LUZP2: variants seen among roughly 807,000 people sequenced by gnomAD.
LUZP2 encodes leucine zipper protein 2.
A neutral mutation model predicts 51.6 loss-of-function variants in LUZP2; 52 were observed. The ratio of observed to expected loss-of-function variants is 1.01; its 90% CI spans 0.81 to 1.27. The LOEUF is 1.27. Among genes scored for constraint, LUZP2 ranks in the 50% most tolerant of loss-of-function variants. LUZP2 has a pLI of 0.00. For synonymous variants in LUZP2, 154 were observed against 137.3 expected, an observed-to-expected ratio of 1.12 and a Z score of -0.85; for missense variants, 436 against 395.4, an observed-to-expected ratio of 1.10 and a Z score of -0.87.
At chr11:24,708,618 A>G (rs1358992438) in intron 1 of LUZP2, among the ~76,000 whole-genome samples, 3 of 152,230 alleles carry the variant, frequency 2.0e-5, no homozygotes, top group Non-Finnish European at 4.4e-5. Context: ...GGCCTATAAG[A>G]ATCACCTGAA....
intron 10 of LUZP2, among the ~76,000 whole-genome samples, chr11:25,069,491 C>G (rs1251409614): frequency 6.6e-6 from 1 of 151,666 alleles, no homozygotes; most frequent in East Asian, 1.9e-4. Context: ...TTTTCAAACC[C>G]CAGCTACACG....
At chr11:24,616,341 G>A (rs1446849060) in intron 1 of LUZP2, among the ~76,000 whole-genome samples, 1 of 151,786 alleles carries the variant, frequency 6.6e-6, no homozygotes, top group Non-Finnish European at 1.5e-5. Context: ...AAACTGTATT[G>A]TTTTACATGT....
chr11:24,954,650 ACT>A (rs1178241277), intron 7 of LUZP2, among the ~76,000 whole-genome samples: 21 of 152,030 alleles, frequency 1.4e-4, no homozygotes, highest in Admixed American at 6.6e-5. Context: ...CTGCATGGAG[ACT>A]GCTTAACTGC....
chr11:24,745,973 C>T (rs1752813354), intron 4 of LUZP2, among the ~76,000 whole-genome samples: 1 of 152,048 alleles, frequency 6.6e-6, no homozygotes, highest in Admixed American at 6.6e-5. Context: ...CTACTGTGCC[C>T]AGTCAGTTCT....
chr11:24,925,617 G>C (rs975564894), intron 7 of LUZP2, among the ~76,000 whole-genome samples: 1 of 151,890 alleles, frequency 6.6e-6, no homozygotes, highest in Non-Finnish European at 1.5e-5. Context: ...TTTCTTATCA[G>C]AAACAATGAC....
At chr11:24,520,084 G>C (rs1472800421) in intron 1 of LUZP2, among the ~76,000 whole-genome samples, 3 of 152,134 alleles carry the variant, frequency 2.0e-5, no homozygotes, top group Non-Finnish European at 1.5e-5. Context: ...GCATAATAAA[G>C]CATAAAATCC....
intron 9 of LUZP2, among the ~76,000 whole-genome samples, chr11:25,031,422 T>C (rs752327341): frequency 6.6e-6 from 1 of 152,198 alleles, no homozygotes. Context: ...TTCCAATGGA[T>C]TTAAAGTTTA....
chr11:24,846,530 C>G (rs1439799917), intron 5 of LUZP2, among the ~76,000 whole-genome samples: 3 of 151,768 alleles, frequency 2.0e-5, no homozygotes, highest in African/African-American at 7.3e-5. Flanking sequence ...CTGACCAAAA[C>G]TGATAGAAAC....
chr11:24,603,166 C>G (rs1484269320), intron 1 of LUZP2, among the ~76,000 whole-genome samples: 1 of 151,662 alleles, frequency 6.6e-6, no homozygotes, highest in Non-Finnish European at 1.5e-5. Context: ...TAGGAAAAAA[C>G]AAGGTCCTGA....
At chr11:24,513,733 T>G (rs1850380368) in intron 1 of LUZP2, among the ~76,000 whole-genome samples, 1 of 152,174 alleles carries the variant, frequency 6.6e-6, no homozygotes, top group Non-Finnish European at 1.5e-5. Context: ...AGTCAATGAA[T>G]TCCATTAATA....
intron 1 of LUZP2, among the ~76,000 whole-genome samples, chr11:24,525,087 C>T (rs982505997): frequency 4.0e-5 from 6 of 151,656 alleles, no homozygotes; most frequent in African/African-American, 7.2e-5. Flanking sequence ...AGATATTTTC[C>T]TCTCTCAGGG....
At chr11:24,600,205 ACACAC>A (rs1853578619) in intron 1 of LUZP2, among the ~76,000 whole-genome samples, 1 of 148,020 alleles carries the variant, frequency 6.8e-6, no homozygotes. Flanking sequence ...ACACACACAC[ACACAC>A]ACACACACGC....
At chr11:24,587,111 A>T (rs550979964) in intron 1 of LUZP2, among the ~76,000 whole-genome samples, 2 of 152,280 alleles carry the variant, frequency 1.3e-5, no homozygotes, top group Non-Finnish European at 2.9e-5. Context: ...ACAAATATAC[A>T]GTCTAATTCT....
At chr11:24,764,490 T>TAAAAAAAA (rs869045272) in intron 5 of LUZP2, among the ~76,000 whole-genome samples, 183 of 94,026 alleles carry the variant, frequency 1.9e-3, no homozygotes, top group Non-Finnish European at 3.5e-3. Context: ...ATCTCATCTC[T>TAAAAAAAA]AAAAAAAAAA....
intron 3 of LUZP2, among the ~76,000 whole-genome samples, chr11:24,736,636 G>C (rs1444574050): frequency 6.6e-6 from 1 of 151,832 alleles, no homozygotes; most frequent in South Asian, 2.1e-4. Context: ...TCATAGTTTG[G>C]TGTGGGGTTT....
chr11:24,996,572 TTTTTATTTTATTTTATTTTA>T (rs67696322), intron 9 of LUZP2, among the ~76,000 whole-genome samples: 55,673 of 132,488 alleles, frequency 0.42, 12,082 homozygotes, highest in Non-Finnish European at 0.48. Context: ...CTTTTTTCTT[TTTTTATTTTATTTTATTTTA>T]TTTTATTTTA....
At chr11:24,915,455 G>A (rs1456596124) in intron 7 of LUZP2, among the ~76,000 whole-genome samples, 1 of 152,020 alleles carries the variant, frequency 6.6e-6, no homozygotes, top group Non-Finnish European at 1.5e-5. Context: ...TGTCCTTCAA[G>A]GTCATTATTT....
intron 9 of LUZP2, among the ~76,000 whole-genome samples, chr11:25,016,810 C>T (rs934308005): frequency 1.2e-4 from 19 of 152,024 alleles, no homozygotes; most frequent in African/African-American, 2.7e-4. Context: ...ATTACTGGAT[C>T]GAATGGTAGA....
intron 9 of LUZP2, among the ~76,000 whole-genome samples, chr11:25,041,002 G>C (rs2134006331): frequency 6.6e-6 from 1 of 152,166 alleles, no homozygotes; most frequent in South Asian, 2.1e-4. Flanking sequence ...GGCATCTAGT[G>C]GCTACAGGCT....
Sources: gnomAD v4.1 joint callset for allele counts (sites outside exome capture counted in the v4.1 genomes callset) on GRCh38, gnomAD v4.1.1 for gene constraint, MANE v1.5 for transcripts, NCBI Gene and HGNC (gene_info 2026-07-23, HGNC 2026-07-21) for gene names.